The following PBX3 variants were observed in gnomAD, a reference collection of about 807,000 sequenced individuals.
PBX3 encodes the protein PBX homeobox 3, also known as pre-B-cell leukemia transcription factor 3.
Under a neutral mutation model 48.5 loss-of-function variants are expected in PBX3, and 14 were observed. The observed-to-expected ratio is 0.29, with a 90% CI of 0.19 to 0.45. PBX3 has a LOEUF of 0.45. Among genes scored for constraint, PBX3 ranks in the 20% least tolerant of loss-of-function variants. The probability of loss-of-function intolerance (pLI) is 1.00; values close to 1 mark genes in which losing one functional copy is unlikely to be tolerated. For missense variants in PBX3, 386 were observed against 546.7 expected, an observed-to-expected ratio of 0.71 and a Z score of 2.93; for synonymous variants, 210 against 200.3, an observed-to-expected ratio of 1.05 and a Z score of -0.41.
chr9:125,795,689 C>A (rs1837758141), intron 2 of PBX3, among the ~76,000 whole-genome samples: 2 of 152,104 alleles, frequency 1.3e-5, no homozygotes, highest in South Asian at 4.2e-4. Context: ...TTGGTATTGA[C>A]ACTGTAAGAC....
intron 3 of PBX3, among the ~76,000 whole-genome samples, chr9:125,917,110 A>G (rs1828810766): frequency 6.6e-6 from 1 of 152,078 alleles, no homozygotes; most frequent in Admixed American, 6.5e-5. Context: ...CTATAATTTC[A>G]CCCATGAGTA....
chr9:125,801,955 G>A (rs1329022154), intron 2 of PBX3, among the ~76,000 whole-genome samples: 2 of 152,082 alleles, frequency 1.3e-5, no homozygotes, highest in Non-Finnish European at 2.9e-5. Flanking sequence ...GCTCATGCTT[G>A]TAATCCCAGC....
chr9:125,782,815 T>C (rs1341637761), intron 2 of PBX3, among the ~76,000 whole-genome samples: 1 of 152,230 alleles, frequency 6.6e-6, no homozygotes, highest in Admixed American at 6.5e-5. Context: ...ACGGACAATT[T>C]TACCAGATAG....
In PBX3 at chr9:125,752,304, C is replaced by G. The variant is rs538018857; in HGVS notation, c.274+3681C>G. ...ACTTCTCTACTGCAGGAGGTGTCCG[C>G]AGGGGAAGAGAAAGGCCTGCTTGGT... On this transcript the variant is annotated intron_variant, in intron 2 of 8. Coordinates refer to ENST00000373489, the MANE Select transcript of PBX3 (RefSeq NM_006195.6). 2.0e-5 allele frequency among the ~76,000 whole-genome samples: 3 copies of G among 152,200 alleles called. No homozygotes were observed. The South Asian group carries it at 6.2e-4, about 32-fold the overall frequency.
chr9:125,807,533 G>A lies in PBX3; in HGVS notation c.274+58910G>A, dbSNP rs115237199. ...TCTCAACCCTTAATACTTACAAGTGGCATAACCTGCGTAAGATTCCTAACC... is the reference window on the plus strand; with the variant it reads ...TCTCAACCCTTAATACTTACAAGTGACATAACCTGCGTAAGATTCCTAACC... On this transcript the variant is annotated intron_variant, in intron 2 of 8. Coordinates refer to ENST00000373489, the MANE Select transcript of PBX3 (RefSeq NM_006195.6). 8.5e-3 allele frequency among the ~76,000 whole-genome samples: 1,289 copies of A among 152,168 alleles called. 17 individuals carry two copies. The highest frequency in any genetic ancestry group is 0.029 in the African/African-American group (1,222 of 41,500).
At chr9:125,890,051 T>A (rs907257287) in intron 2 of PBX3, among the ~76,000 whole-genome samples, 2 of 152,042 alleles carry the variant, frequency 1.3e-5, no homozygotes, top group Non-Finnish European at 2.9e-5. Context: ...CCACTGCAAG[T>A]CAGAACCTCT....
At chr9:125,890,283 G>C (rs78909818) in intron 2 of PBX3, among the ~76,000 whole-genome samples, 3,248 of 152,272 alleles carry the variant, frequency 0.021, 176 homozygotes, top group East Asian at 0.17. Flanking sequence ...AAATAACTAA[G>C]CCTTCACCAT....
At chr9:125,829,910 G>T (rs148625630) in intron 2 of PBX3, among the ~76,000 whole-genome samples, 2 of 152,094 alleles carry the variant, frequency 1.3e-5, no homozygotes, top group East Asian at 1.9e-4. Context: ...CTTTCTATAC[G>T]TATCTGCATT....
At chr9:125,934,156 A>G (rs1356678939) in intron 4 of PBX3, among the ~76,000 whole-genome samples, 1 of 152,204 alleles carries the variant, frequency 6.6e-6, no homozygotes, top group East Asian at 1.9e-4. Context: ...TATTGAAATT[A>G]AGACATTTCA....
At chr9:125,883,051 A>G (rs1391149357) in intron 2 of PBX3, among the ~76,000 whole-genome samples, 1 of 152,246 alleles carries the variant, frequency 6.6e-6, no homozygotes, top group Non-Finnish European at 1.5e-5. Flanking sequence ...CTAACATAAC[A>G]ATTAGAATAA....
chr9:125,784,882 G>C (rs1837419341), intron 2 of PBX3, among the ~76,000 whole-genome samples: 1 of 152,054 alleles, frequency 6.6e-6, no homozygotes, highest in Non-Finnish European at 1.5e-5. Context: ...AGTATTCTTG[G>C]GTCTTTGCTG....
chr9:125,800,630 G>C (rs887328887), intron 2 of PBX3, among the ~76,000 whole-genome samples: 4 of 151,668 alleles, frequency 2.6e-5, no homozygotes, highest in African/African-American at 9.7e-5. Flanking sequence ...CTATCCAGGA[G>C]AAGTTTTTTT....
In PBX3 at chr9:125,897,141, GTTT is replaced by G. The variant is rs371641194; in HGVS notation, c.275-18526_275-18524del. ...CATGTGGGCTTTATATTCATTTGTG[GTTT>G]TTTTTTTTTTTTTTTTTTCCTGTGC... On this transcript the variant is annotated intron_variant, in intron 2 of 8. Coordinates refer to ENST00000373489, the MANE Select transcript of PBX3 (RefSeq NM_006195.6). 2.8e-4 allele frequency among the ~76,000 whole-genome samples: 30 copies of G among 108,914 alleles called. No individual in the cohort carries two copies. The South Asian group carries it at 3.7e-3, about 14-fold the overall frequency. The allele number at this position is 108,914 out of a possible 152,430, so 71.5% of individuals were successfully genotyped here. A position where few individuals can be genotyped will look rare whatever the true frequency, so the allele number is the denominator to read the frequency against.
At chr9:125,958,407 G>A (rs1842355393) in intron 5 of PBX3, among the ~76,000 whole-genome samples, 1 of 152,218 alleles carries the variant, frequency 6.6e-6, no homozygotes, top group African/African-American at 2.4e-5. Flanking sequence ...TCAAGGAAGG[G>A]AAGGCCAAGA....
intron 2 of PBX3, among the ~76,000 whole-genome samples, chr9:125,781,101 C>T (rs1225594337): frequency 1.3e-5 from 2 of 150,162 alleles, no homozygotes; most frequent in African/African-American, 4.9e-5. Context: ...AGACGCTCCT[C>T]ACTTCCCAGA....
At chr9:125,887,196 A>G (rs1840522163) in intron 2 of PBX3, among the ~76,000 whole-genome samples, 1 of 152,190 alleles carries the variant, frequency 6.6e-6, no homozygotes, top group African/African-American at 2.4e-5. Flanking sequence ...TAATATAAAT[A>G]TATAAACATT....
At chr9:125,836,171 C>T (rs1445798171) in intron 2 of PBX3, among the ~76,000 whole-genome samples, 2 of 152,096 alleles carry the variant, frequency 1.3e-5, no homozygotes, top group Admixed American at 6.5e-5. Context: ...CTTGGCTGGG[C>T]GCGGTGGCTC....
intron 2 of PBX3, among the ~76,000 whole-genome samples, chr9:125,806,133 G>A (rs1010241657): frequency 6.6e-6 from 1 of 152,138 alleles, no homozygotes; most frequent in East Asian, 1.9e-4. Context: ...TTGAGAAGAT[G>A]ACTTTTGATC....
intron 2 of PBX3, among the ~76,000 whole-genome samples, chr9:125,864,931 A>C (rs181595202): frequency 6.6e-6 from 1 of 152,316 alleles, no homozygotes; most frequent in Admixed American, 6.5e-5. Context: ...AGAAATGGGA[A>C]AATTGAGTCT....
Sources: gnomAD v4.1 joint callset for allele counts (sites outside exome capture counted in the v4.1 genomes callset) on GRCh38, gnomAD v4.1.1 for gene constraint, MANE v1.5 for transcripts, NCBI Gene and HGNC (gene_info 2026-07-23, HGNC 2026-07-21) for gene names.